TATDN3: variants seen among roughly 807,000 people sequenced by gnomAD.
TATDN3 encodes the protein deoxyribonuclease TATDN3.
A neutral mutation model predicts 40.1 loss-of-function variants in TATDN3; 29 were observed. The observed-to-expected ratio is 0.72, with a 90% CI of 0.54 to 0.99. The LOEUF (loss-of-function observed/expected upper bound fraction) is 0.99. TATDN3 is among the 50% of genes least tolerant of loss of function. TATDN3 has a pLI of 0.00. For missense variants in TATDN3, 309 were observed against 321.9 expected (o/e 0.96, Z 0.31); for synonymous variants, 105 against 117.0 (o/e 0.90, Z 0.66).
intron 6 of TATDN3, 38 bp downstream of exon 6, chr1:212,804,467 C>A: frequency 6.4e-7 from 1 of 1,574,344 alleles, no homozygotes; most frequent in Non-Finnish European, 8.7e-7. Context: ...AGCTATAGAG[C>A]AAATTAAATA....
intron 5 of TATDN3, among the ~76,000 whole-genome samples, chr1:212,803,402 T>C (rs1333383560): frequency 3.9e-5 from 6 of 152,062 alleles, no homozygotes; most frequent in Non-Finnish European, 8.8e-5. Flanking sequence ...CAGGCTGGTC[T>C]TGGACACCTG....
intron 1 of TATDN3, chr1:212,794,872 T>G: frequency 3.1e-6 from 2 of 651,434 alleles, no homozygotes; most frequent in South Asian, 3.0e-5. Context: ...ACCCTGTATA[T>G]TTGACAATAG....
At chr1:212,808,358 A>C (rs1662670683) in intron 8 of TATDN3, among the ~76,000 whole-genome samples, 1 of 151,822 alleles carries the variant, frequency 6.6e-6, no homozygotes, top group Non-Finnish European at 1.5e-5. Flanking sequence ...AACAGGCCTT[A>C]ATTTGTGTGA....
chr1:212,793,997 G>A (rs968433639), intron 1 of TATDN3, among the ~76,000 whole-genome samples: 2 of 152,078 alleles, frequency 1.3e-5, no homozygotes, highest in African/African-American at 4.8e-5. Flanking sequence ...ATAAAAATTG[G>A]GGGCCGGGCG....
At position 212,792,024 on chromosome 1, in the gene TATDN3, A is replaced by T. The variant is rs754748482; in HGVS notation, c.66+37A>T. The T allele has an allele frequency of 1.0e-5, 16 of 1,603,596 alleles. No individual in the cohort carries two copies. The South Asian group carries it at 1.7e-4, about 17-fold the overall frequency. ...CGATACGGGACCAGAGGGAGCAGGG[A>T]GGCCCCCGTCCTTTCCCCTCGTGTT... is the stretch of plus-strand genomic sequence containing the variant. On this transcript the variant is annotated intron_variant, in intron 1 of 9. Coordinates refer to ENST00000366974, the MANE Select transcript of TATDN3 (RefSeq NM_001042552.3).
chr1:212,798,536 C>CAA (rs11296428), intron 4 of TATDN3, among the ~76,000 whole-genome samples: 3,116 of 90,832 alleles, frequency 0.034, 32 homozygotes, highest in Non-Finnish European at 0.046. Flanking sequence ...CTCAAAAACT[C>CAA]AAAAAAAAAA....
At chr1:212,798,536 CA>C (rs11296428) in intron 4 of TATDN3, among the ~76,000 whole-genome samples, 42,932 of 91,958 alleles carry the variant, frequency 0.47, 6,370 homozygotes, top group Admixed American at 0.56. Flanking sequence ...CTCAAAAACT[CA>C]AAAAAAAAAA....
chr1:212,806,683 CATT>C (rs1218181646), intron 7 of TATDN3, among the ~76,000 whole-genome samples: 1 of 139,360 alleles, frequency 7.2e-6, no homozygotes, highest in Non-Finnish European at 1.5e-5. Context: ...GCCTGGCCAA[CATT>C]ATTGAATATT....
chr1:212,815,033 C>G lies in TATDN3; in HGVS notation c.702C>G (p.Asn234Lys). The G allele has an allele frequency of 6.2e-7, 1 of 1,613,552 alleles. No individual in the cohort carries two copies. Among genetic ancestry groups the G allele is most frequent in the Non-Finnish European group, 8.5e-7 (1 of 1,179,850 alleles). The change falls in exon 10 of 10, where the codon AAC (asparagine) becomes AAG (lysine). Residue 234 changes from asparagine (N) to lysine (K), a missense_variant. By Grantham distance (94) the Asn-to-Lys change is moderately conservative. Coordinates refer to ENST00000366974, the MANE Select transcript of TATDN3 (RefSeq NM_001042552.3). ...TTCAGGTACGGAATGAGCCCTGGAACATTTCTATTTCAGCAGAATATATTG... is the reference window on the plus strand; with the variant it reads ...TTCAGGTACGGAATGAGCCCTGGAAGATTTCTATTTCAGCAGAATATATTG... ...PEKQVRNEPWNISISAEYIAQ... is the reference protein window; with the variant it reads ...PEKQVRNEPWKISISAEYIAQ...
chr1:212,797,836 T>G (rs1661884710), intron 4 of TATDN3, among the ~76,000 whole-genome samples: 1 of 152,164 alleles, frequency 6.6e-6, no homozygotes, highest in Non-Finnish European at 1.5e-5. Flanking sequence ...TTTTGTACCC[T>G]CTCTAAAAAC....
intron 8 of TATDN3, among the ~76,000 whole-genome samples, chr1:212,811,468 T>G (rs1662871578): frequency 6.6e-6 from 1 of 151,632 alleles, no homozygotes; most frequent in Non-Finnish European, 1.5e-5. Context: ...TTTATCATGT[T>G]GCCCAGGCTG....
At chr1:212,794,821 G>C (rs947164830) in intron 1 of TATDN3, 2 of 577,918 alleles carry the variant, frequency 3.5e-6, no homozygotes, top group Admixed American at 2.2e-5. Flanking sequence ...GAGGGATTCC[G>C]AATGCTGCTG....
intron 8 of TATDN3, among the ~76,000 whole-genome samples, chr1:212,811,542 G>A (rs1662876418): frequency 6.6e-6 from 1 of 151,974 alleles, no homozygotes; most frequent in Non-Finnish European, 1.5e-5. Flanking sequence ...GGGATTACAG[G>A]CGCGAGCTAC....
intron 4 of TATDN3, among the ~76,000 whole-genome samples, chr1:212,801,806 T>G (rs1215879614): frequency 7.0e-6 from 1 of 143,756 alleles, no homozygotes; most frequent in Non-Finnish European, 1.5e-5. Context: ...AGAATATATT[T>G]CAAGTCTACT....
At chr1:212,797,324 T>C (rs1247748624) in intron 4 of TATDN3, 128 bp downstream of exon 4, 2 of 701,302 alleles carry the variant, frequency 2.9e-6, no homozygotes, top group East Asian at 2.8e-5. Context: ...TTACCTTCTT[T>C]AACAAAGATG....
chr1:212,791,965 T>C lies in TATDN3; in HGVS notation c.44T>C (p.Leu15Pro), dbSNP rs1411642133. ...GVGLVDCHCH[L>P]SAPDFDRDLD... ...GGCTTGGTGGACTGTCACTGCCACCTCTCCGCCCCGGACTTTGACCGCGTA... is the reference window on the plus strand; with the variant it reads ...GGCTTGGTGGACTGTCACTGCCACCCCTCCGCCCCGGACTTTGACCGCGTA... Residue 15 changes from leucine (L) to proline (P), a missense_variant, in exon 1 of 10, where the codon CTC becomes CCC. By Grantham distance (98) the Leu-to-Pro change is moderately conservative. Transcript: ENST00000366974. 6 of 1,613,804 alleles carry C rather than the reference T, an allele frequency of 3.7e-6. No individual in the cohort carries two copies. Among genetic ancestry groups the C allele is most frequent in the Non-Finnish European group, 5.1e-6 (6 of 1,179,988 alleles).
chr1:212,802,784 C>T, intron 5 of TATDN3, 21 bp downstream of exon 5: 2 of 1,536,486 alleles, frequency 1.3e-6, no homozygotes, highest in Non-Finnish European at 9.0e-7. Context: ...ACTAACTGAT[C>T]AAACAGCTTC....
At chr1:212,814,325 A>G (rs1663071933) in intron 9 of TATDN3, among the ~76,000 whole-genome samples, 2 of 152,170 alleles carry the variant, frequency 1.3e-5, no homozygotes, top group African/African-American at 2.4e-5. Context: ...TTTAACAATA[A>G]TGTTATTCTT....
At chr1:212,805,444 T>TG in intron 7 of TATDN3, among the ~76,000 whole-genome samples, 1 of 151,942 alleles carries the variant, frequency 6.6e-6, no homozygotes, top group East Asian at 1.9e-4. Context: ...TTAGTAGAGA[T>TG]GGGGTTTCAC....
Sources: gnomAD v4.1 joint callset for allele counts (sites outside exome capture counted in the v4.1 genomes callset) on GRCh38, gnomAD v4.1.1 for gene constraint, MANE v1.5 for transcripts, NCBI Gene and HGNC (gene_info 2026-07-23, HGNC 2026-07-21) for gene names.